TSC1: variants seen among roughly 807,000 people sequenced by gnomAD.
TSC1 encodes the protein hamartin.
A neutral mutation model predicts 124.3 loss-of-function variants in TSC1; 20 were observed. The observed-to-expected ratio is 0.16, with a 90% CI of 0.11 to 0.23. The LOEUF is 0.23. Ranked by LOEUF, TSC1 falls within the 10% of genes least tolerant of loss-of-function variation. The probability of loss-of-function intolerance (pLI) is 1.00; values close to 1 mark genes in which losing one functional copy is unlikely to be tolerated. For synonymous variants in TSC1, 493 were observed against 539.1 expected (o/e 0.91, Z 1.19); for missense variants, 1,124 against 1,448.5 (o/e 0.78, Z 3.64).
intron 12 of TSC1, among the ~76,000 whole-genome samples, chr9:132,909,427 C>T (rs1269185492): frequency 1.3e-5 from 2 of 152,152 alleles, no homozygotes; most frequent in Admixed American, 1.3e-4. Flanking sequence ...AGTATATACA[C>T]GTTTTTTAAT....
At chr9:132,935,204 G>T (rs1847395940) in intron 1 of TSC1, 109 bp from the exon 2 acceptor site, 1 of 396,274 alleles carries the variant, frequency 2.5e-6, no homozygotes, top group Non-Finnish European at 4.4e-6. Flanking sequence ...CTGACAGGTG[G>T]CCACCACGTT....
Position 132,906,173 on chromosome 9 carries a change from G to A in TSC1, c.1439-34C>T, listed in dbSNP as rs2131852582. 1.2e-6 allele frequency: 2 copies of A among 1,601,382 alleles called. No homozygotes were observed. The highest frequency in any genetic ancestry group is 1.7e-6 in the Non-Finnish European group (2 of 1,174,414). The stretch of plus-strand genomic sequence containing the variant: ...AAGAGAGGAAACAAAAGAAATGGCA[G>A]TCGGTATTCCACCTGGGAAAGACTA... On this transcript the variant is annotated intron_variant, in intron 14 of 22. Coordinates refer to ENST00000298552, the MANE Select transcript of TSC1 (RefSeq NM_000368.5). This position sits in a 1 kb window ranked among gnomAD's most constrained non-coding sequence, Gnocchi z 4.1.
intron 8 of TSC1, among the ~76,000 whole-genome samples, chr9:132,918,075 T>C (rs1181262219): frequency 6.6e-6 from 1 of 152,222 alleles, no homozygotes; most frequent in Non-Finnish European, 1.5e-5. Context: ...CAAGTTAATA[T>C]AGTTGGTTGA....
intron 8 of TSC1, among the ~76,000 whole-genome samples, chr9:132,916,956 T>C (rs572924598): frequency 1.1e-4 from 17 of 152,316 alleles, no homozygotes; most frequent in Non-Finnish European, 1.9e-4. Context: ...GCTCCAGTGA[T>C]TAACTGAGGA....
At chr9:132,900,304 C>T (rs543616930) in intron 20 of TSC1, 210 of 260,510 alleles carry the variant, frequency 8.1e-4, no homozygotes, top group Non-Finnish European at 1.4e-3. Context: ...GACTGAACTA[C>T]CATCTGCAGA....
At chr9:132,931,164 T>G (rs1252570762) in intron 2 of TSC1, 1 of 152,214 alleles carries the variant, frequency 6.6e-6, no homozygotes, top group East Asian at 1.9e-4. Context: ...TTTAAAAGTA[T>G]CTTGTCCCTA....
At chr9:132,944,372 C>A (rs893005023) in intron 1 of TSC1, among the ~76,000 whole-genome samples, 171 bp downstream of exon 1, 1 of 152,150 alleles carries the variant, frequency 6.6e-6, no homozygotes, top group Non-Finnish European at 1.5e-5. Context: ...CCGGAGATAG[C>A]GTGTAATAAG....
intron 20 of TSC1, chr9:132,899,878 T>C (rs921099499): frequency 6.6e-6 from 1 of 152,178 alleles, no homozygotes; most frequent in South Asian, 2.1e-4. Flanking sequence ...TTCTCCCCCT[T>C]TCTGTTCCCA....
intron 8 of TSC1, among the ~76,000 whole-genome samples, chr9:132,914,703 CAAA>C (rs11334240): frequency 8.8e-6 from 1 of 114,270 alleles, no homozygotes; most frequent in Non-Finnish European, 1.9e-5. Context: ...AAAAAAAATA[CAAA>C]AAAAAAAAAA....
At position 132,907,839 on chromosome 9, in the gene TSC1, C is replaced by A. The variant is rs750133073; in HGVS notation, c.1264-469G>T. Reference sequence around the variant, plus strand: ...TGGTGGCCCACGCCTGTAGTCCCAGCACTTTGGGAGGCCAAGGCCAGTGGA... The same window carrying A: ...TGGTGGCCCACGCCTGTAGTCCCAGAACTTTGGGAGGCCAAGGCCAGTGGA... On this transcript the variant is annotated intron_variant, in intron 12 of 22. Transcript: ENST00000298552. Among the ~76,000 whole-genome samples, 136 of 152,202 alleles carry A rather than the reference C, an allele frequency of 8.9e-4. 3 individuals are homozygous for A. Among genetic ancestry groups the A allele is most frequent in the Middle Eastern group, 3.2e-3 (1 of 316 alleles).
In TSC1 at chr9:132,903,865, G is replaced by T; in HGVS notation, c.2042-48C>A. On this transcript the variant is annotated intron_variant, in intron 16 of 22. Transcript: ENST00000298552. This position sits in a 1 kb window ranked among gnomAD's most constrained non-coding sequence, Gnocchi z 5.9. ...GTGGCAGAAATGCCTTTTACAGATG[G>T]TTCAATCAAGCCCCCTTCCCATGTG... is the stretch of plus-strand genomic sequence containing the variant. 6.2e-7 allele frequency: 1 copy of T among 1,604,654 alleles called. No homozygotes were observed. The highest frequency in any genetic ancestry group is 8.5e-7 in the Non-Finnish European group (1 of 1,173,446).
chr9:132,944,161 A>C, intron 1 of TSC1: 5 of 157,968 alleles, frequency 3.2e-5, no homozygotes, highest in East Asian at 1.8e-4. Flanking sequence ...CCCTCCCGCC[A>C]AGCGTCTCTA....
chr9:132,915,521 C>T (rs1268624704), intron 8 of TSC1, among the ~76,000 whole-genome samples: 1 of 152,136 alleles, frequency 6.6e-6, no homozygotes, highest in Non-Finnish European at 1.5e-5. Context: ...TATAAAGGCC[C>T]TAATAATGAA....
chr9:132,913,538 T>C (rs1056647293), intron 8 of TSC1, among the ~76,000 whole-genome samples: 3 of 152,166 alleles, frequency 2.0e-5, no homozygotes, highest in African/African-American at 7.2e-5. Context: ...AACACTGTTG[T>C]ATGTCTTGAC....
chr9:132,937,454 C>CATAA (rs927991261), intron 1 of TSC1, among the ~76,000 whole-genome samples: 1 of 152,148 alleles, frequency 6.6e-6, no homozygotes. Context: ...AAAATAAATA[C>CATAA]ATAAATAAAT....
Position 132,906,924 on chromosome 9 carries a change from G to A in TSC1, c.1334-89C>T. 4.9e-6 allele frequency: 5 copies of A among 1,014,530 alleles called. No individual in the cohort carries two copies. The highest frequency in any genetic ancestry group is 7.7e-6 in the Non-Finnish European group (5 of 650,904). 62.8% of individuals were successfully genotyped at this position (1,014,530 alleles called of 1,614,324 possible). A position where few individuals can be genotyped will look rare whatever the true frequency, so the allele number is the denominator to read the frequency against. On this transcript the variant is annotated intron_variant, in intron 13 of 22. Transcript: ENST00000298552. The surrounding 1 kb of genome is among the most constrained non-coding windows in gnomAD (Gnocchi z 4.1). ...TGCTTACACTGTATAGAATATGTCT[G>A]TAATAACTCTTCATGCTGAACAGAG...
chr9:132,908,737 C>T (rs979720067), intron 12 of TSC1, among the ~76,000 whole-genome samples: 1 of 151,882 alleles, frequency 6.6e-6, no homozygotes, highest in Non-Finnish European at 1.5e-5. Flanking sequence ...CAAGCCACCA[C>T]GCCCAGCCGC....
intron 4 of TSC1, 67 bp from the exon 5 acceptor site, chr9:132,925,806 CA>C (rs1338472282): frequency 3.9e-5 from 61 of 1,570,406 alleles, no homozygotes; most frequent in Non-Finnish European, 5.3e-5. Context: ...ATAAAGACAG[CA>C]ATGATGTGCT....
chr9:132,916,746 A>T (rs978524989), intron 8 of TSC1, among the ~76,000 whole-genome samples: 2 of 152,194 alleles, frequency 1.3e-5, no homozygotes, highest in Non-Finnish European at 2.9e-5. Context: ...ATCCACCAGG[A>T]TTATTCCTCA....
Sources: gnomAD v4.1 joint callset for allele counts (sites outside exome capture counted in the v4.1 genomes callset) on GRCh38, gnomAD v4.1.1 for gene constraint, Gnocchi (gnomAD v3.1) non-coding constraint, MANE v1.5 for transcripts, NCBI Gene and HGNC (gene_info 2026-07-23, HGNC 2026-07-21) for gene names.